ABCC6: variants seen among roughly 807,000 people sequenced by gnomAD.
ABCC6 encodes the protein ATP binding cassette subfamily C member 6, also known as ATP-binding cassette sub-family C member 6.
Under a neutral mutation model 169.5 loss-of-function variants are expected in ABCC6, and 126 were observed. The observed-to-expected ratio is 0.74, with a 90% CI of 0.64 to 0.86. The LOEUF (loss-of-function observed/expected upper bound fraction) is 0.86. Ranked by LOEUF, ABCC6 falls within the 40% of genes least tolerant of loss-of-function variation. The pLI, the probability that ABCC6 is intolerant of heterozygous loss-of-function variation, is 0.00. For missense variants in ABCC6, 1,733 were observed against 1,927.2 expected (o/e 0.90, Z 1.89); for synonymous variants, 752 against 814.7 (o/e 0.92, Z 1.31).
Position 16,179,121 on chromosome 16 carries a change from G to A in ABCC6, c.2248-156C>T, listed in dbSNP as rs999426295. On this transcript the variant is annotated intron_variant, in intron 17 of 30. Transcript: ENST00000205557. ...GACAGGCCCAGCTTCCAAGGCACTC[G>A]CTCTCAAGCCAACAATGCCTCCATC... 3.9e-5 allele frequency among the ~76,000 whole-genome samples: 6 copies of A among 152,208 alleles called. No individual in the cohort carries two copies. In the East Asian group the frequency reaches 7.7e-4, roughly 20 times the overall value.
At chr16:16,195,582 G>A (rs2048009870) in intron 10 of ABCC6, among the ~76,000 whole-genome samples, 3 of 152,008 alleles carry the variant, frequency 2.0e-5, no homozygotes, top group African/African-American at 7.3e-5. Flanking sequence ...CAAAGTGCTG[G>A]GATTACAGGC....
At chr16:16,201,112 A>G (rs1024341912) in intron 9 of ABCC6, among the ~76,000 whole-genome samples, 2 of 152,136 alleles carry the variant, frequency 1.3e-5, no homozygotes, top group African/African-American at 2.4e-5. Flanking sequence ...AATTACAGGC[A>G]CATGCCACCA....
chr16:16,195,095 T>C (rs191601036), intron 10 of ABCC6, among the ~76,000 whole-genome samples: 19 of 152,104 alleles, frequency 1.2e-4, no homozygotes, highest in Admixed American at 1.1e-3. Flanking sequence ...CAGCAGGGCT[T>C]GGAAAAACAC....
intron 29 of ABCC6, 50 bp downstream of exon 29, chr16:16,154,578 A>G: frequency 6.2e-7 from 1 of 1,609,578 alleles, no homozygotes; most frequent in Middle Eastern, 2.3e-4. Flanking sequence ...GGGCATGGCC[A>G]TCCCCTCCTC....
Position 16,165,774 on chromosome 16 carries a change from G to A in ABCC6, c.3155C>T (p.Thr1052Ile), listed in dbSNP as rs769376902. The A allele has an allele frequency of 1.2e-6, 2 of 1,613,708 alleles. No homozygotes were observed. Among genetic ancestry groups the A allele is most frequent in the Admixed American group, 1.7e-5 (1 of 60,010 alleles). ...GHLLNRFSKETDTVDVDIPDK... is the reference protein window; with the variant it reads ...GHLLNRFSKEIDTVDVDIPDK... Reference sequence around the variant, plus strand: ...TGGAATGTCCACGTCAACCGTGTCTGTCTCCTTGGAGAAGCGGTTTAGCAG... The same window carrying A: ...TGGAATGTCCACGTCAACCGTGTCTATCTCCTTGGAGAAGCGGTTTAGCAG... The change falls in exon 23 of 31, where the codon ACA becomes ATA. Residue 1052 changes from threonine to isoleucine, a missense_variant. Transcript: ENST00000205557.
At position 16,177,578 on chromosome 16, in the gene ABCC6, A is replaced by C. The variant is rs1475320786; in HGVS notation, c.2464T>G (p.Trp822Gly). The C allele has an allele frequency of 6.2e-7, 1 of 1,614,218 alleles. No homozygotes were observed. The highest frequency in any genetic ancestry group is 1.1e-5 in the South Asian group (1 of 91,090). ...HALHILPQAD[W>G]IIVLANGAIA... Reference sequence around the variant, plus strand: ...GCCCCATTTGCCAGCACTATGATCCAATCAGCCTGGGGCAGGATGTGGAGT... The same window carrying C: ...GCCCCATTTGCCAGCACTATGATCCCATCAGCCTGGGGCAGGATGTGGAGT... Residue 822 changes from tryptophan (W) to glycine (G), a missense_variant, in exon 19 of 31, where the codon TGG (tryptophan) becomes GGG (glycine). Physicochemically the swap from Trp to Gly is radical, Grantham distance 184. Transcript: ENST00000205557.
chr16:16,173,642 A>G (rs923067754), intron 20 of ABCC6, among the ~76,000 whole-genome samples: 1 of 151,908 alleles, frequency 6.6e-6, no homozygotes, highest in Non-Finnish European at 1.5e-5. Flanking sequence ...TCTGATGCCA[A>G]TTCACAGGAT....
At position 16,175,999 on chromosome 16, in the gene ABCC6, G is replaced by A. The variant is rs1354799902; in HGVS notation, c.2591-13C>T. On this transcript the variant is annotated splice_polypyrimidine_tract_variant and intron_variant, in intron 19 of 30. Coordinates refer to ENST00000205557, the MANE Select transcript of ABCC6 (RefSeq NM_001171.6). The stretch of plus-strand genomic sequence containing the variant: ...CCAGGTTCTGTTTCTGCAAGGTCAA[G>A]AGAGTCCTGTCACGCAACACGGCCC... 1 of 1,613,804 alleles carries A rather than the reference G, an allele frequency of 6.2e-7. No homozygotes were observed. Among genetic ancestry groups the A allele is most frequent in the Non-Finnish European group, 8.5e-7 (1 of 1,179,760 alleles).
chr16:16,203,680 G>A (rs2048313760), intron 7 of ABCC6, 67 bp from the exon 8 acceptor site: 5 of 1,573,098 alleles, frequency 3.2e-6, no homozygotes, highest in Middle Eastern at 1.7e-4. Flanking sequence ...GGCAGGGCCA[G>A]GCATTAAAGG....
chr16:16,157,668 C>A lies in ABCC6; in HGVS notation c.3877G>T (p.Glu1293Ter). 6.2e-7 allele frequency: 1 copy of A among 1,614,130 alleles called. No individual in the cohort carries two copies. Among genetic ancestry groups the A allele is most frequent in the Non-Finnish European group, 8.5e-7 (1 of 1,180,008 alleles). The change falls in exon 27 of 31, where the codon GAG becomes TAG. Residue 1293 changes from glutamate to a stop codon, truncating the protein, a stop_gained. Transcript: ENST00000205557. LOFTEE classifies it high-confidence loss of function. Reference protein sequence around the residue: ...QGVSFKIHAGEKVGIVGRTGA... With the variant: ...QGVSFKIHAG Reference sequence around the variant, plus strand: ...ATTGTGAGAGAACCACTCACCTTCTCTCCTGCGTGGATCTTGAAGGACACG... The same window carrying A: ...ATTGTGAGAGAACCACTCACCTTCTATCCTGCGTGGATCTTGAAGGACACG...
At position 16,173,322 on chromosome 16, in the gene ABCC6, C is replaced by G. The variant is rs2047172353; in HGVS notation, c.2749G>C (p.Gly917Arg). The G allele has an allele frequency of 1.2e-6, 2 of 1,613,958 alleles. No individual in the cohort carries two copies. Among genetic ancestry groups the G allele is most frequent in the Non-Finnish European group, 1.7e-6 (2 of 1,180,014 alleles). Residue 917 changes from glycine to arginine, a missense_variant, in exon 21 of 31, where the codon GGA becomes CGA. This residue lies in a region of ABCC6 where 1,601 missense variants were observed against 1,635.5 expected (regional missense o/e 0.98). Coordinates refer to ENST00000205557, the MANE Select transcript of ABCC6 (RefSeq NM_001171.6). ...ATGCTGTCCTTTCCTGCTGGCCATC[C>G]TGCCCTGTCAGGGTCATCCAGAGGA... Reference protein sequence around the residue: ...EVPLDDPDRAGWPAGKDSIQY... With the variant: ...EVPLDDPDRARWPAGKDSIQY...
chr16:16,154,208 A>C (rs1388368826), intron 29 of ABCC6, among the ~76,000 whole-genome samples: 2 of 152,022 alleles, frequency 1.3e-5, no homozygotes, highest in Non-Finnish European at 2.9e-5. Flanking sequence ...CAGCCTCCTG[A>C]AGTGCTGGGA....
intron 25 of ABCC6, among the ~76,000 whole-genome samples, chr16:16,160,990 A>C (rs1268184378): frequency 1.3e-5 from 2 of 152,162 alleles, no homozygotes; most frequent in African/African-American, 2.4e-5. Context: ...CTGTAATTCC[A>C]GCAACTTGGG....
intron 29 of ABCC6, among the ~76,000 whole-genome samples, chr16:16,152,192 C>CAAAAAAAAAAA (rs61339757): frequency 2.5e-5 from 1 of 40,316 alleles, no homozygotes; most frequent in African/African-American, 1.2e-4. Context: ...GACTCTGTCT[C>CAAAAAAAAAAA]AAAAAAAAAA....
chr16:16,210,338 T>C (rs1490519385), intron 6 of ABCC6, among the ~76,000 whole-genome samples: 2 of 151,370 alleles, frequency 1.3e-5, no homozygotes, highest in African/African-American at 4.9e-5. Flanking sequence ...GGTTTCACCA[T>C]GTTGGTCAGG....
In ABCC6 at chr16:16,203,440, A is replaced by T; in HGVS notation, c.968T>A (p.Val323Asp). 6.2e-7 allele frequency: 1 copy of T among 1,613,934 alleles called. No individual in the cohort carries two copies. Among genetic ancestry groups the T allele is most frequent in the Admixed American group, 1.7e-5 (1 of 60,010 alleles). ...LGTLSLIISD[V>D]FRFTVPKLLS... The stretch of plus-strand genomic sequence containing the variant: ...CAGCTTGGGGACAGTGAACCTGAAG[A>T]CATCACTGATGATGAGGCTGAGGGT... The change falls in exon 8 of 31, where the codon GTC becomes GAC. Residue 323 changes from valine to aspartate, a missense_variant. This residue lies in a region of ABCC6 where 1,601 missense variants were observed against 1,635.5 expected (regional missense o/e 0.98). Coordinates refer to ENST00000205557, the MANE Select transcript of ABCC6 (RefSeq NM_001171.6).
At chr16:16,198,264 GCCCCACCTCACA>G in intron 9 of ABCC6, 82 bp from the exon 10 acceptor site, 1 of 1,467,974 alleles carries the variant, frequency 6.8e-7, no homozygotes. Context: ...CACCCACTGA[GCCCCACCTCACA>G]CGTCTGCGAG....
chr16:16,221,770 C>G lies in ABCC6; in HGVS notation c.98G>C (p.Arg33Thr). 1 of 1,613,698 alleles carries G rather than the reference C, an allele frequency of 6.2e-7. No homozygotes were observed. The highest frequency in any genetic ancestry group is 8.5e-7 in the Non-Finnish European group (1 of 1,179,716). Reference sequence around the variant, plus strand: ...GGGGGGTACCCAGACCCCTGCTGTTCTCAGGAAGCACAGGCTCAGCAGGCT... The same window carrying G: ...GGGGGGTACCCAGACCCCTGCTGTTGTCAGGAAGCACAGGCTCAGCAGGCT... ...ATSLLSLCFL[R>T]TAGVWVPPMY... The change falls in exon 2 of 31, where the codon AGA becomes ACA. Residue 33 changes from arginine (R) to threonine (T), a missense_variant. Arg to Thr is a moderately conservative substitution (Grantham distance 71). This residue lies in a region of ABCC6 where 66 missense variants were observed against 69.5 expected (regional missense o/e 0.95). Transcript: ENST00000205557.
intron 13 of ABCC6, among the ~76,000 whole-genome samples, chr16:16,187,839 G>T (rs927984029): frequency 2.0e-5 from 3 of 152,130 alleles, no homozygotes; most frequent in Non-Finnish European, 4.4e-5. Context: ...TGAGCATGCA[G>T]TGAGCTGAGA....
Sources: gnomAD v4.1 joint callset for allele counts (sites outside exome capture counted in the v4.1 genomes callset) on GRCh38, gnomAD v4.1.1 for gene constraint, gnomAD v4.1.1 regional missense constraint, MANE v1.5 for transcripts, NCBI Gene and HGNC (gene_info 2026-07-23, HGNC 2026-07-21) for gene names.